The following SBF2 variants were observed in gnomAD, a reference collection of about 807,000 sequenced individuals.
The protein encoded by SBF2 is myotubularin-related protein 13.
Under a neutral mutation model 225.2 loss-of-function variants are expected in SBF2, and 112 were observed. The observed-to-expected ratio is 0.50, with a 90% CI of 0.43 to 0.58. The LOEUF (loss-of-function observed/expected upper bound fraction) is 0.58. SBF2 is among the 20% of genes least tolerant of loss of function. The probability of loss-of-function intolerance (pLI) is 0.00; values close to 1 mark genes in which losing one functional copy is unlikely to be tolerated. For synonymous variants in SBF2, 763 were observed against 773.3 expected, an observed-to-expected ratio of 0.99 and a Z score of 0.22; for missense variants, 1,996 against 2,206.2, an observed-to-expected ratio of 0.90 and a Z score of 1.91.
At chr11:9,925,949 T>C (rs1273219085) in intron 16 of SBF2, among the ~76,000 whole-genome samples, 3 of 129,558 alleles carry the variant, frequency 2.3e-5, no homozygotes, top group Non-Finnish European at 3.3e-5. Flanking sequence ...AAATAAGGTT[T>C]GGAACCAACG....
chr11:9,992,494 T>G lies in SBF2; in HGVS notation c.1217A>C (p.Lys406Thr). The G allele has an allele frequency of 6.2e-7, 1 of 1,613,298 alleles. No individual in the cohort carries two copies. The highest frequency in any genetic ancestry group is 8.5e-7 in the Non-Finnish European group (1 of 1,179,492). The change falls in exon 12 of 40, where the codon AAA (lysine) becomes ACA (threonine). Residue 406 changes from lysine (K) to threonine (T), a missense_variant. Transcript: ENST00000256190. Reference sequence around the variant, plus strand: ...TGCAAATGCCATTCCACTGAGTACTTTAGTGAGGAAATCATTCTCGACCAA... The same window carrying G: ...TGCAAATGCCATTCCACTGAGTACTGTAGTGAGGAAATCATTCTCGACCAA... ...RGLVENDFLT[K>T]VLSGMAFAGF...
intron 2 of SBF2, among the ~76,000 whole-genome samples, chr11:10,174,381 T>C (rs571193988): frequency 1.8e-3 from 270 of 152,238 alleles, no homozygotes; most frequent in African/African-American, 5.9e-3. Context: ...CCTCAGGAGC[T>C]GACGCGATCA....
intron 2 of SBF2, among the ~76,000 whole-genome samples, chr11:10,096,973 A>AT (rs1302097864): frequency 4.6e-5 from 7 of 152,218 alleles, no homozygotes; most frequent in African/African-American, 1.7e-4. Context: ...TTCAGTCACT[A>AT]TGACTTTCTC....
chr11:10,203,849 G>A (rs1255549614), intron 1 of SBF2, among the ~76,000 whole-genome samples: 2 of 151,814 alleles, frequency 1.3e-5, no homozygotes, highest in African/African-American at 4.8e-5. Context: ...CTGGGAAAAA[G>A]ACAAAAAAAC....
intron 2 of SBF2, among the ~76,000 whole-genome samples, chr11:10,073,108 C>T (rs1278871378): frequency 6.6e-6 from 1 of 151,940 alleles, no homozygotes; most frequent in East Asian, 1.9e-4. Flanking sequence ...ATAATGTGAT[C>T]TGAGTAATGG....
intron 2 of SBF2, among the ~76,000 whole-genome samples, chr11:10,099,481 A>C (rs1164519586): frequency 6.6e-6 from 1 of 152,184 alleles, no homozygotes; most frequent in Non-Finnish European, 1.5e-5. Context: ...ACCTGAAACA[A>C]AACTATTCTA....
intron 32 of SBF2, among the ~76,000 whole-genome samples, chr11:9,802,202 G>T (rs1315467480): frequency 3.3e-5 from 5 of 151,942 alleles, no homozygotes; most frequent in Non-Finnish European, 5.9e-5. Context: ...TTGTATATTG[G>T]ATTTTTTTTA....
At position 10,170,571 on chromosome 11, in the gene SBF2, G is replaced by GT. The variant is rs376980580; in HGVS notation, c.141+23330dup. 9.2e-5 allele frequency among the ~76,000 whole-genome samples: 14 copies of GT among 151,970 alleles called. 1 individual carries two copies. Among genetic ancestry groups the GT allele is most frequent in the African/African-American group, 3.4e-4 (14 of 41,486 alleles). ...GAAGTCAGATAATGTAATTCTTCCA[G>GT]TTTTTTTAATTTTATTTTTATTTTT... On this transcript the variant is annotated intron_variant, in intron 2 of 39. Transcript: ENST00000256190.
intron 6 of SBF2, among the ~76,000 whole-genome samples, chr11:10,025,247 A>G (rs2134612585): frequency 6.6e-6 from 1 of 152,276 alleles, no homozygotes; most frequent in South Asian, 2.1e-4. Context: ...ATCAAGAATT[A>G]CCTTAATCCA....
chr11:9,997,751 C>T (rs1377959171), intron 9 of SBF2, among the ~76,000 whole-genome samples: 3 of 152,210 alleles, frequency 2.0e-5, no homozygotes, highest in Admixed American at 1.3e-4. Flanking sequence ...GCACTCCAGC[C>T]TGGGCGACAG....
At chr11:9,999,195 G>GC (rs1947836338) in intron 8 of SBF2, among the ~76,000 whole-genome samples, 2 of 152,164 alleles carry the variant, frequency 1.3e-5, no homozygotes, top group East Asian at 3.9e-4. Context: ...TAAGAAATTT[G>GC]CATTTGGCAA....
chr11:10,031,208 A>G (rs772267504), intron 3 of SBF2, 38 bp from the exon 4 acceptor site: 9 of 1,607,752 alleles, frequency 5.6e-6, no homozygotes, highest in Non-Finnish European at 7.7e-6. Flanking sequence ...AACAGAAGGG[A>G]TTTCCTAGGT....
chr11:10,149,493 C>G (rs944090416), intron 2 of SBF2: 1 of 152,186 alleles, frequency 6.6e-6, no homozygotes, highest in Non-Finnish European at 1.5e-5. Flanking sequence ...TGAACACACA[C>G]TACTAACAAC....
chr11:9,796,127 C>T (rs1397328549), intron 32 of SBF2, among the ~76,000 whole-genome samples, 170 bp from the exon 33 acceptor site: 1 of 151,836 alleles, frequency 6.6e-6, no homozygotes, highest in Non-Finnish European at 1.5e-5. Flanking sequence ...CTTTTCCGAG[C>T]ACCTACTGTG....
At chr11:9,810,891 A>C (rs1854141602) in intron 30 of SBF2, 1 of 152,240 alleles carries the variant, frequency 6.6e-6, no homozygotes, top group Admixed American at 6.5e-5. Flanking sequence ...AAATTGTTCT[A>C]CCATAAAGTC....
At chr11:10,067,534 A>T (rs576728887) in intron 2 of SBF2, among the ~76,000 whole-genome samples, 23 of 152,270 alleles carry the variant, frequency 1.5e-4, no homozygotes, top group African/African-American at 5.3e-4. Context: ...AAGCAACATT[A>T]ACCAAAAAAA....
At chr11:9,833,478 T>C (rs1009232530) in intron 26 of SBF2, among the ~76,000 whole-genome samples, 1 of 150,268 alleles carries the variant, frequency 6.7e-6, no homozygotes, top group East Asian at 1.9e-4. Context: ...TGGAGTGCAG[T>C]GGCACGATCT....
At chr11:10,219,207 G>A (rs1230917910) in intron 1 of SBF2, among the ~76,000 whole-genome samples, 2 of 152,220 alleles carry the variant, frequency 1.3e-5, no homozygotes, top group Non-Finnish European at 2.9e-5. Context: ...AATCTAGGTA[G>A]AGGTTCAACA....
intron 2 of SBF2, among the ~76,000 whole-genome samples, chr11:10,054,725 C>T (rs371271565): frequency 3.4e-4 from 52 of 151,844 alleles, no homozygotes; most frequent in African/African-American, 1.0e-3. Context: ...AACAAATAAT[C>T]GTATTAAAAA....
Sources: allele counts gnomAD v4.1 joint callset (sites outside exome capture counted in the v4.1 genomes callset), GRCh38; gene constraint gnomAD v4.1.1; transcripts MANE v1.5; gene names NCBI Gene and HGNC (gene_info 2026-07-23, HGNC 2026-07-21).